NECAB1: variants seen among roughly 807,000 people sequenced by gnomAD.
NECAB1 encodes N-terminal EF-hand calcium-binding protein 1.
Under a neutral mutation model 57.5 loss-of-function variants are expected in NECAB1, and 29 were observed. The ratio of observed to expected loss-of-function variants is 0.50; its 90% CI spans 0.38 to 0.69. NECAB1 has a LOEUF of 0.69. Among genes scored for constraint, NECAB1 ranks in the 30% least tolerant of loss-of-function variants. NECAB1 has a pLI of 0.00. For missense variants in NECAB1, 372 were observed against 413.8 expected (o/e 0.90, Z 0.88); for synonymous variants, 142 against 147.7 (o/e 0.96, Z 0.28).
intron 2 of NECAB1, among the ~76,000 whole-genome samples, chr8:90,802,307 T>C (rs2130644790): frequency 6.6e-6 from 1 of 152,330 alleles, no homozygotes; most frequent in Non-Finnish European, 1.5e-5. Context: ...AAGTAGGAGA[T>C]GGCAACCTCG....
At chr8:90,802,045 G>A (rs538138799) in intron 2 of NECAB1, among the ~76,000 whole-genome samples, 3 of 152,288 alleles carry the variant, frequency 2.0e-5, no homozygotes, top group East Asian at 1.9e-4. Context: ...CCAGGCATTG[G>A]GCCAAGTGCT....
rs575600442 is a variant in NECAB1, at chr8:90,910,780, T to C, written c.358-6712T>C. 3.3e-5 allele frequency among the ~76,000 whole-genome samples: 5 copies of C among 152,304 alleles called. No homozygotes were observed. In the South Asian group the frequency reaches 6.2e-4, roughly 19 times the overall value. On this transcript the variant is annotated intron_variant, in intron 5 of 12. Coordinates refer to ENST00000417640, the MANE Select transcript of NECAB1 (RefSeq NM_022351.5). ...TGGATAAAATGACTGCCAGTTTCAGTTGCTATTCTCAAATTAGCCATTGTT... is the reference window on the plus strand; with the variant it reads ...TGGATAAAATGACTGCCAGTTTCAGCTGCTATTCTCAAATTAGCCATTGTT...
chr8:90,926,681 C>T (rs1291042901), intron 7 of NECAB1, among the ~76,000 whole-genome samples: 1 of 152,160 alleles, frequency 6.6e-6, no homozygotes, highest in Non-Finnish European at 1.5e-5. Flanking sequence ...GAATAAGCAA[C>T]AGCTGGATCA....
At chr8:90,847,825 C>T (rs565837560) in intron 3 of NECAB1, among the ~76,000 whole-genome samples, 100 of 152,310 alleles carry the variant, frequency 6.6e-4, no homozygotes, top group Non-Finnish European at 1.2e-3. Context: ...ACACCAAGTC[C>T]GTAGGCTGCA....
At chr8:90,850,875 C>T (rs1010820501) in intron 3 of NECAB1, among the ~76,000 whole-genome samples, 5 of 152,158 alleles carry the variant, frequency 3.3e-5, no homozygotes, top group African/African-American at 1.2e-4. Flanking sequence ...TGGTAAGCCC[C>T]TTTCAACCAT....
chr8:90,865,120 C>T (rs1808489516), intron 3 of NECAB1, among the ~76,000 whole-genome samples: 1 of 151,950 alleles, frequency 6.6e-6, no homozygotes, highest in Non-Finnish European at 1.5e-5. Context: ...TGGAATCCAA[C>T]AAATATGAGA....
rs992341087 is a variant in NECAB1, at chr8:90,917,635, T to C, written c.494+7T>C. 4 of 1,605,296 alleles carry C rather than the reference T, an allele frequency of 2.5e-6. No homozygotes were observed. Among genetic ancestry groups the C allele is most frequent in the Non-Finnish European group, 3.4e-6 (4 of 1,175,100 alleles). ...AGCAAACCCGTCAAGAAAGGCAATT[T>C]ACATGTTTTCATCTGATGTCTATTT... On this transcript the variant is annotated splice_region_variant and intron_variant, in intron 6 of 12. Transcript: ENST00000417640.
Position 90,791,843 on chromosome 8 carries a change from T to A in NECAB1, c.-44T>A. 2.7e-6 allele frequency: 4 copies of A among 1,484,052 alleles called. No individual in the cohort carries two copies. The highest frequency in any genetic ancestry group is 3.7e-6 in the Non-Finnish European group (4 of 1,092,964). The allele number at this position is 1,484,052 out of a possible 1,614,324, so 91.9% of individuals were successfully genotyped here. On this transcript the variant is annotated 5_prime_UTR_variant, in exon 1 of 13. Transcript: ENST00000417640. The stretch of plus-strand genomic sequence containing the variant: ...CCGCGCCCTTGCCAGAGCCGGTGCG[T>A]CCGCCTAGCCCCGCTCCGCCTGAGG...
chr8:90,791,816 G>C lies in NECAB1; in HGVS notation c.-71G>C. ...CCGGCGGCGGCGAAGCAGCAGCTGC[G>C]GCCGCGCCCTTGCCAGAGCCGGTGC... On this transcript the variant is annotated 5_prime_UTR_variant, in exon 1 of 13. Transcript: ENST00000417640. 1 of 1,289,274 alleles carries C rather than the reference G, an allele frequency of 7.8e-7. No homozygotes were observed. The allele number at this position is 1,289,274 out of a possible 1,614,324, so 79.9% of individuals were successfully genotyped here.
intron 1 of NECAB1, among the ~76,000 whole-genome samples, chr8:90,801,302 C>T (rs766551032): frequency 5.3e-5 from 8 of 152,080 alleles, no homozygotes; most frequent in South Asian, 2.1e-4. Context: ...GTTTTCTGTC[C>T]CTATAGATTA....
At chr8:90,868,110 A>G (rs1257152156) in intron 3 of NECAB1, among the ~76,000 whole-genome samples, 1 of 152,014 alleles carries the variant, frequency 6.6e-6, no homozygotes, top group African/African-American at 2.4e-5. Flanking sequence ...GCCATATAAG[A>G]TGTGTTTGCT....
intron 6 of NECAB1, among the ~76,000 whole-genome samples, chr8:90,919,229 G>A (rs1810047603): frequency 6.6e-6 from 1 of 152,142 alleles, no homozygotes; most frequent in African/African-American, 2.4e-5. Context: ...AGAGAAGCTT[G>A]CAAAACTCTT....
intron 6 of NECAB1, among the ~76,000 whole-genome samples, chr8:90,924,336 C>A (rs1487334236): frequency 6.6e-6 from 1 of 152,032 alleles, no homozygotes; most frequent in African/African-American, 2.4e-5. Flanking sequence ...GGATATTTTC[C>A]ACCAAAACAA....
At chr8:90,857,294 T>G (rs1268321713) in intron 3 of NECAB1, among the ~76,000 whole-genome samples, 1 of 152,176 alleles carries the variant, frequency 6.6e-6, no homozygotes, top group Non-Finnish European at 1.5e-5. Context: ...ATTTGGCACA[T>G]GGATGCAAAG....
In NECAB1 at chr8:90,955,835, T is replaced by G. The variant is rs938306881; in HGVS notation, c.*323T>G. The G allele has an allele frequency of 3.4e-5, 8 of 231,986 alleles. No individual in the cohort carries two copies. The highest frequency in any genetic ancestry group is 6.6e-5 in the Non-Finnish European group (8 of 120,848). 14.4% of individuals were successfully genotyped at this position (231,986 alleles called of 1,614,324 possible). On this transcript the variant is annotated 3_prime_UTR_variant, in exon 13 of 13. Coordinates refer to ENST00000417640, the MANE Select transcript of NECAB1 (RefSeq NM_022351.5). ...AGGAATAATATTGTGAAAATGAATCTGTTATGATAAAGAAAAAATAAAGTG... is the reference window on the plus strand; with the variant it reads ...AGGAATAATATTGTGAAAATGAATCGGTTATGATAAAGAAAAAATAAAGTG...
intron 8 of NECAB1, among the ~76,000 whole-genome samples, chr8:90,934,092 G>A (rs987439918): frequency 6.6e-6 from 1 of 151,926 alleles, no homozygotes; most frequent in East Asian, 1.9e-4. Flanking sequence ...CTTTGAACAC[G>A]TCTAAAACAG....
At chr8:90,874,583 G>A (rs76324253) in intron 4 of NECAB1, among the ~76,000 whole-genome samples, 3,107 of 152,174 alleles carry the variant, frequency 0.02, 80 homozygotes, top group East Asian at 0.14. Flanking sequence ...ATATGTGTAC[G>A]TGTTGTTGTT....
chr8:90,836,079 G>T (rs964804343), intron 3 of NECAB1, among the ~76,000 whole-genome samples: 1 of 152,028 alleles, frequency 6.6e-6, no homozygotes, highest in Non-Finnish European at 1.5e-5. Context: ...CTACTCCTGT[G>T]ACTTAAAGGC....
At position 90,849,288 on chromosome 8, in the gene NECAB1, G is replaced by T. The variant is rs138127613; in HGVS notation, c.234-22840G>T. On this transcript the variant is annotated intron_variant, in intron 3 of 12. Transcript: ENST00000417640. ...GTTCAAAACCAGACTGGGCAACATAGCAAGACCCTGTCTCTACAGAAAATT... is the reference window on the plus strand; with the variant it reads ...GTTCAAAACCAGACTGGGCAACATATCAAGACCCTGTCTCTACAGAAAATT... Among the ~76,000 whole-genome samples, 274 of 152,192 alleles carry T rather than the reference G, an allele frequency of 1.8e-3. 1 individual carries two copies. The highest frequency in any genetic ancestry group is 6.4e-3 in the African/African-American group (264 of 41,552).
Sources: allele counts gnomAD v4.1 joint callset (sites outside exome capture counted in the v4.1 genomes callset), GRCh38; gene constraint gnomAD v4.1.1; transcripts MANE v1.5; gene names NCBI Gene and HGNC (gene_info 2026-07-23, HGNC 2026-07-21).